The following SNX9 variants were observed in gnomAD, a reference collection of about 807,000 sequenced individuals.
The protein encoded by SNX9 is sorting nexin 9, also known as sorting nexin-9.
Under a neutral mutation model 89.4 loss-of-function variants are expected in SNX9, and 44 were observed. The ratio of observed to expected loss-of-function variants is 0.49; its 90% CI spans 0.39 to 0.63. SNX9 has a LOEUF of 0.63. SNX9 is among the 30% of genes least tolerant of loss of function. SNX9 has a pLI of 0.00. For synonymous variants in SNX9, 236 were observed against 247.8 expected (o/e 0.95, Z 0.45); for missense variants, 578 against 736.1 (o/e 0.79, Z 2.49).
intron 4 of SNX9, among the ~76,000 whole-genome samples, chr6:157,890,279 A>G (rs954973071): frequency 6.6e-6 from 1 of 152,030 alleles, no homozygotes; most frequent in African/African-American, 2.4e-5. Flanking sequence ...CCTCGTGGCC[A>G]TTCTCAGTCT....
At chr6:157,850,555 C>T (rs1390842969) in intron 1 of SNX9, among the ~76,000 whole-genome samples, 1 of 152,060 alleles carries the variant, frequency 6.6e-6, no homozygotes, top group Non-Finnish European at 1.5e-5. Flanking sequence ...CATTATCTTT[C>T]GAGTTTGCTG....
intron 15 of SNX9, 78 bp from the exon 16 acceptor site, chr6:157,938,555 A>ATAT: frequency 1.1e-6 from 1 of 920,140 alleles, no homozygotes. Flanking sequence ...GTTATAGAAT[A>ATAT]TATTAGCATT....
intron 2 of SNX9, among the ~76,000 whole-genome samples, chr6:157,869,517 T>G (rs183607314): frequency 6.6e-6 from 1 of 152,304 alleles, no homozygotes; most frequent in East Asian, 1.9e-4. Flanking sequence ...CTAAGTCACT[T>G]AAAGCCATTG....
At chr6:157,835,499 A>AACTCCCAC (rs796627568) in intron 1 of SNX9, among the ~76,000 whole-genome samples, 8 of 150,400 alleles carry the variant, frequency 5.3e-5, no homozygotes, top group African/African-American at 2.0e-4. Context: ...TGAAGCCTTG[A>AACTCCCAC]ACTCCCACAC....
intron 4 of SNX9, among the ~76,000 whole-genome samples, chr6:157,888,839 G>A (rs944006747): frequency 7.9e-5 from 12 of 152,140 alleles, no homozygotes; most frequent in African/African-American, 2.4e-4. Context: ...GATTTACACC[G>A]TGGAGGCCTC....
intron 6 of SNX9, among the ~76,000 whole-genome samples, chr6:157,902,622 T>C (rs1783129380): frequency 6.6e-6 from 1 of 152,256 alleles, no homozygotes; most frequent in East Asian, 1.9e-4. Context: ...AGCTTTGTGT[T>C]AGCTTAGGTT....
At chr6:157,930,007 TTG>T (rs1783775488) in intron 12 of SNX9, among the ~76,000 whole-genome samples, 1 of 152,110 alleles carries the variant, frequency 6.6e-6, no homozygotes, top group Non-Finnish European at 1.5e-5. Flanking sequence ...TTGGCTACAT[TTG>T]TGTCATAATG....
In SNX9 at chr6:157,852,484, C is replaced by A. The variant is rs1562594465; in HGVS notation, c.13-15063C>A. ...TCAGCTTCACAATAAGCACGTGTAT[C>A]TTAGGGCATTTGAACTTCAAATACT... On this transcript the variant is annotated intron_variant, in intron 1 of 17. Coordinates refer to ENST00000392185, the MANE Select transcript of SNX9 (RefSeq NM_016224.5). 3.3e-5 allele frequency among the ~76,000 whole-genome samples: 5 copies of A among 152,158 alleles called. No homozygotes were observed. In the East Asian group the frequency reaches 7.7e-4, roughly 23 times the overall value.
chr6:157,913,693 GTTCT>G (rs1309677248), intron 9 of SNX9, among the ~76,000 whole-genome samples: 1 of 152,126 alleles, frequency 6.6e-6, no homozygotes, highest in Non-Finnish European at 1.5e-5. Flanking sequence ...CAGCTGATGT[GTTCT>G]TTGTGTTCAT....
At chr6:157,914,675 A>C (rs1783425999) in intron 9 of SNX9, among the ~76,000 whole-genome samples, 1 of 150,676 alleles carries the variant, frequency 6.6e-6, no homozygotes, top group Non-Finnish European at 1.5e-5. Flanking sequence ...ACAGGATTTC[A>C]CCCTGTTGCC....
At chr6:157,849,051 G>T (rs1781858024) in intron 1 of SNX9, among the ~76,000 whole-genome samples, 1 of 152,186 alleles carries the variant, frequency 6.6e-6, no homozygotes, top group Non-Finnish European at 1.5e-5. Context: ...GTTTGAGGCT[G>T]CAGTAAGCTG....
At position 157,908,177 on chromosome 6, in the gene SNX9, ATC is replaced by A. The variant is rs113026966; in HGVS notation, c.706-1482_706-1481del. ...CTCTCTGAGGTCTCAGCCGAAACAA[ATC>A]TCTCTTCCTTCAGCGCAATCTGTGT... On this transcript the variant is annotated intron_variant, in intron 7 of 17. Transcript: ENST00000392185. Among the ~76,000 whole-genome samples, 212 of 151,886 alleles carry A rather than the reference ATC, an allele frequency of 1.4e-3. 1 individual carries two copies. Among genetic ancestry groups the A allele is most frequent in the African/African-American group, 4.1e-3 (168 of 41,460 alleles).
intron 7 of SNX9, 55 bp from the exon 8 acceptor site, chr6:157,909,610 G>A (rs1562614451): frequency 1.2e-6 from 2 of 1,600,598 alleles, no homozygotes; most frequent in Non-Finnish European, 1.7e-6. Flanking sequence ...CACATCAATT[G>A]TATTTATTAT....
chr6:157,896,914 G>A lies in SNX9; in HGVS notation c.388G>A (p.Glu130Lys). The A allele has an allele frequency of 6.2e-7, 1 of 1,613,422 alleles. No homozygotes were observed. The highest frequency in any genetic ancestry group is 8.5e-7 in the Non-Finnish European group (1 of 1,179,780). The change falls in exon 5 of 18, where the codon GAG becomes AAG. Residue 130 changes from glutamate (E) to lysine (K), a missense_variant. Transcript: ENST00000392185. Reference protein sequence around the residue: ...ESSEGWGAQPEGAGAQRNTNT... With the variant: ...ESSEGWGAQPKGAGAQRNTNT... Reference sequence around the variant, plus strand: ...CTCAGAAGGCTGGGGGGCCCAGCCAGAGGGGGCTGGAGCCCAAAGAAACAC... The same window carrying A: ...CTCAGAAGGCTGGGGGGCCCAGCCAAAGGGGGCTGGAGCCCAAAGAAACAC...
intron 10 of SNX9, among the ~76,000 whole-genome samples, chr6:157,923,210 A>G (rs1171928731): frequency 6.6e-6 from 1 of 152,172 alleles, no homozygotes; most frequent in Non-Finnish European, 1.5e-5. Context: ...TAGTGAAGGT[A>G]TTTAATCCCT....
Position 157,844,587 on chromosome 6 carries a change from G to GTTTTTTTTTTTTTT in SNX9, c.12+21153_12+21154insTTTTTTTTTTTTTT, listed in dbSNP as rs1177648226. Among the ~76,000 whole-genome samples, 59 of 130,274 alleles carry GTTTTTTTTTTTTTT rather than the reference G, an allele frequency of 4.5e-4. 2 individuals are homozygous for GTTTTTTTTTTTTTT. The highest frequency in any genetic ancestry group is 7.0e-4 in the African/African-American group (23 of 32,894). 85.5% of individuals were successfully genotyped at this position (130,274 alleles called of 152,430 possible). The stretch of plus-strand genomic sequence containing the variant: ...ATTTTTAATCTTGTGGCTAATCCTT[G>GTTTTTTTTTTTTTT]TTTTTTTTTTTTGTTTTTTTTTTTG... On this transcript the variant is annotated intron_variant, in intron 1 of 17. Transcript: ENST00000392185.
intron 5 of SNX9, among the ~76,000 whole-genome samples, chr6:157,901,174 C>T (rs1360505223): frequency 1.3e-5 from 2 of 152,182 alleles, no homozygotes; most frequent in Non-Finnish European, 2.9e-5. Context: ...GGCAGTCCCA[C>T]CTGGCACTGT....
In SNX9 at chr6:157,823,408, C is replaced by A; in HGVS notation, c.-27C>A. The A allele has an allele frequency of 7.9e-7, 1 of 1,259,400 alleles. No individual in the cohort carries two copies. Among genetic ancestry groups the A allele is most frequent in the South Asian group, 2.2e-5 (1 of 45,722 alleles). 78.0% of individuals were successfully genotyped at this position (1,259,400 alleles called of 1,614,324 possible). A position where few individuals can be genotyped will look rare whatever the true frequency, so the allele number is the denominator to read the frequency against. On this transcript the variant is annotated 5_prime_UTR_variant, in exon 1 of 18. Transcript: ENST00000392185. The surrounding 1 kb of genome is among the most constrained non-coding windows in gnomAD (Gnocchi z 4.6). ...TCCGCGGCGCGGGAGACGAGCCGGCCGTCCCGGGCCGGGGGACCCGCCCGC... is the reference window on the plus strand; with the variant it reads ...TCCGCGGCGCGGGAGACGAGCCGGCAGTCCCGGGCCGGGGGACCCGCCCGC...
intron 4 of SNX9, among the ~76,000 whole-genome samples, chr6:157,881,152 TACTC>T (rs1434146046): frequency 6.6e-6 from 1 of 152,248 alleles, no homozygotes; most frequent in Middle Eastern, 3.2e-3. Context: ...CAACAGCATG[TACTC>T]ACTTGGTGTC....
Sources: allele counts gnomAD v4.1 joint callset (sites outside exome capture counted in the v4.1 genomes callset), GRCh38; gene constraint gnomAD v4.1.1; non-coding constraint Gnocchi (gnomAD v3.1); transcripts MANE v1.5; gene names NCBI Gene and HGNC (gene_info 2026-07-23, HGNC 2026-07-21).